RIMS1: variants seen among roughly 807,000 people sequenced by gnomAD.
The protein encoded by RIMS1 is regulating synaptic membrane exocytosis protein 1.
In RIMS1, 83 loss-of-function variants were observed where a neutral mutation model predicts 214.1. The observed-to-expected ratio is 0.39, with a 90% CI of 0.32 to 0.47. The LOEUF is 0.47. RIMS1 is among the 20% of genes least tolerant of loss of function. RIMS1 has a pLI of 0.99. For missense variants in RIMS1, 2,050 were observed against 2,161.8 expected, an observed-to-expected ratio of 0.95 and a Z score of 1.03; for synonymous variants, 793 against 786.8, an observed-to-expected ratio of 1.01 and a Z score of -0.13.
At chr6:71,890,257 C>T (rs886724254) in intron 1 of RIMS1, among the ~76,000 whole-genome samples, 4 of 151,904 alleles carry the variant, frequency 2.6e-5, no homozygotes, top group Non-Finnish European at 4.4e-5. Context: ...AAAAAGAATT[C>T]GTTTTGTTGG....
intron 29 of RIMS1, among the ~76,000 whole-genome samples, chr6:72,385,811 A>G (rs1595988405): frequency 6.6e-6 from 1 of 152,186 alleles, no homozygotes; most frequent in African/African-American, 2.4e-5. Flanking sequence ...CACATTCCAA[A>G]TTAATATTGG....
At chr6:71,970,625 T>C (rs541781532) in intron 2 of RIMS1, among the ~76,000 whole-genome samples, 1 of 152,342 alleles carries the variant, frequency 6.6e-6, no homozygotes, top group East Asian at 1.9e-4. Flanking sequence ...GTCACTTTAA[T>C]TGCACCTTGT....
At chr6:72,259,683 A>G (rs1036968713) in intron 18 of RIMS1, among the ~76,000 whole-genome samples, 5 of 152,128 alleles carry the variant, frequency 3.3e-5, no homozygotes, top group African/African-American at 1.2e-4. Flanking sequence ...TTTGTGAACT[A>G]ATATTTCACG....
intron 2 of RIMS1, among the ~76,000 whole-genome samples, chr6:72,062,473 AC>A (rs1828112361): frequency 6.6e-6 from 1 of 152,120 alleles, no homozygotes; most frequent in Admixed American, 6.5e-5. Flanking sequence ...AACAGCAGAA[AC>A]CCCGTTTTTT....
intron 1 of RIMS1, among the ~76,000 whole-genome samples, chr6:71,963,727 A>G (rs1414066972): frequency 1.3e-5 from 2 of 152,172 alleles, no homozygotes; most frequent in African/African-American, 4.8e-5. Flanking sequence ...TAATCAAATC[A>G]TAAAACTTTT....
rs1176058802 is a variant in RIMS1 at position 72,182,503 on chromosome 6, G to C, written c.1032G>C (p.Lys344Asn). 2.5e-6 allele frequency: 4 copies of C among 1,599,914 alleles called. No homozygotes were observed. The highest frequency in any genetic ancestry group is 2.3e-5 in the East Asian group (1 of 44,262). ...RDEGKAADEE[K>N]QRKEEDYQTR... Reference sequence around the variant, plus strand: ...AGGGCAAAGCGGCGGATGAGGAAAAGCAAAGAAAAGAGGAGGATTATCAGA... The same window carrying C: ...AGGGCAAAGCGGCGGATGAGGAAAACCAAAGAAAAGAGGAGGATTATCAGA... The change falls in exon 6 of 34, where the codon AAG becomes AAC. Residue 344 changes from lysine to asparagine, a missense_variant. Coordinates refer to ENST00000521978, the MANE Select transcript of RIMS1 (RefSeq NM_014989.7).
intron 19 of RIMS1, chr6:72,262,822 A>C (rs564559503): frequency 2.1e-5 from 15 of 716,692 alleles, no homozygotes; most frequent in Non-Finnish European, 2.4e-5. Flanking sequence ...TACCATGTTC[A>C]CTTAGGACTT....
chr6:72,400,186 G>A (rs2098824999), intron 33 of RIMS1, among the ~76,000 whole-genome samples: 1 of 152,038 alleles, frequency 6.6e-6, no homozygotes, highest in Admixed American at 6.5e-5. Context: ...ACACAAGAAA[G>A]GTGTTGCATT....
intron 2 of RIMS1, among the ~76,000 whole-genome samples, chr6:72,091,807 T>C (rs1426541716): frequency 6.6e-6 from 1 of 152,210 alleles, no homozygotes; most frequent in Non-Finnish European, 1.5e-5. Context: ...TGTGGATAAT[T>C]TAAATCTGTG....
intron 2 of RIMS1, among the ~76,000 whole-genome samples, chr6:71,982,861 T>C (rs750518634): frequency 5.9e-5 from 9 of 152,150 alleles, no homozygotes; most frequent in Non-Finnish European, 1.0e-4. Context: ...TTAGGTCCAA[T>C]AGTCCATGTA....
intron 4 of RIMS1, among the ~76,000 whole-genome samples, chr6:72,123,617 G>T (rs569103157): frequency 6.6e-6 from 1 of 151,836 alleles, no homozygotes; most frequent in South Asian, 2.1e-4. Flanking sequence ...AAGTCTCTTT[G>T]TAGGTCTCTA....
intron 6 of RIMS1, among the ~76,000 whole-genome samples, chr6:72,201,010 C>T (rs951139143): frequency 2.0e-5 from 3 of 151,572 alleles, no homozygotes; most frequent in African/African-American, 4.8e-5. Flanking sequence ...AATATATAAA[C>T]GACCAAAAAA....
At chr6:72,108,683 GTTTAT>G (rs368920307) in intron 4 of RIMS1, among the ~76,000 whole-genome samples, 542 of 151,698 alleles carry the variant, frequency 3.6e-3, no homozygotes, top group African/African-American at 0.012. Flanking sequence ...TAAAGTTTCA[GTTTAT>G]TTTATTTTAT....
At position 72,152,999 on chromosome 6, in the gene RIMS1, T is replaced by A. The variant is rs551445503; in HGVS notation, c.472-26576T>A. 2.7e-3 allele frequency among the ~76,000 whole-genome samples: 204 copies of A among 75,378 alleles called. 10 individuals are homozygous for A. Among genetic ancestry groups the A allele is most frequent in the Non-Finnish European group, 4.4e-3 (167 of 38,302 alleles). 49.5% of individuals were successfully genotyped at this position (75,378 alleles called of 152,430 possible). A position where few individuals can be genotyped will look rare whatever the true frequency, so the allele number is the denominator to read the frequency against. ...TATATATGTATATATGGAATATATG[T>A]TTATATATGTATATATATGTGTGTG... is the stretch of plus-strand genomic sequence containing the variant. On this transcript the variant is annotated intron_variant, in intron 4 of 33. Coordinates refer to ENST00000521978, the MANE Select transcript of RIMS1 (RefSeq NM_014989.7).
At chr6:71,988,442 TAAA>T (rs563422583) in intron 2 of RIMS1, among the ~76,000 whole-genome samples, 1 of 147,616 alleles carries the variant, frequency 6.8e-6, no homozygotes, top group African/African-American at 2.5e-5. Flanking sequence ...ACTTAGGAAT[TAAA>T]AAAAAAAACT....
At chr6:72,068,716 G>A (rs937297811) in intron 2 of RIMS1, among the ~76,000 whole-genome samples, 3 of 152,050 alleles carry the variant, frequency 2.0e-5, no homozygotes, top group African/African-American at 4.8e-5. Flanking sequence ...GAGGTCAGGA[G>A]ATCGAGACCA....
In RIMS1 at chr6:72,361,041, C is replaced by T. The variant is rs1339276623; in HGVS notation, c.4366+27206C>T. 1.2e-4 allele frequency among the ~76,000 whole-genome samples: 17 copies of T among 139,318 alleles called. No individual in the cohort carries two copies. In the Admixed American group the frequency reaches 1.2e-3, roughly 10 times the overall value. 91.4% of individuals were successfully genotyped at this position (139,318 alleles called of 152,430 possible). A position where few individuals can be genotyped will look rare whatever the true frequency, so the allele number is the denominator to read the frequency against. The stretch of plus-strand genomic sequence containing the variant: ...ATAAAAGAGAAATTTAGGGAGGTTC[C>T]TTTTGTAAAGTGATAACTTTTTGAG... On this transcript the variant is annotated intron_variant, in intron 29 of 33. Coordinates refer to ENST00000521978, the MANE Select transcript of RIMS1 (RefSeq NM_014989.7).
chr6:71,935,904 TG>T (rs1192070600), intron 1 of RIMS1, among the ~76,000 whole-genome samples: 4 of 152,218 alleles, frequency 2.6e-5, no homozygotes, highest in Non-Finnish European at 5.9e-5. Flanking sequence ...GAATCACAAC[TG>T]AAAGTATGAA....
intron 8 of RIMS1, 75 bp downstream of exon 8, chr6:72,235,803 A>G (rs1044180685): frequency 4.7e-6 from 3 of 642,462 alleles, no homozygotes; most frequent in Middle Eastern, 2.6e-4. Context: ...GTTTCTGGCA[A>G]TGATTTTTAA....
Sources: gnomAD v4.1 joint callset for allele counts (sites outside exome capture counted in the v4.1 genomes callset) on GRCh38, gnomAD v4.1.1 for gene constraint, MANE v1.5 for transcripts, NCBI Gene and HGNC (gene_info 2026-07-23, HGNC 2026-07-21) for gene names.